Variants in KIAA0825 observed in about 807,000 individuals in gnomAD.
The protein encoded by KIAA0825 is KIAA0825.
In KIAA0825, 119 loss-of-function variants were observed where a neutral mutation model predicts 147.6. The ratio of observed to expected loss-of-function variants is 0.81; its 90% confidence interval spans 0.69 to 0.94. The LOEUF is 0.94. KIAA0825 is among the 40% of genes least tolerant of loss of function. The probability of loss-of-function intolerance (pLI) is 0.00; values close to 1 mark genes in which losing one functional copy is unlikely to be tolerated. For synonymous variants in KIAA0825, 470 were observed against 518.1 expected (o/e 0.91, Z 1.26); for missense variants, 1,381 against 1,472.7 (o/e 0.94, Z 1.02).
At chr5:94,246,621 A>C (rs1333619409) in intron 20 of KIAA0825, among the ~76,000 whole-genome samples, 1 of 152,106 alleles carries the variant, frequency 6.6e-6, no homozygotes, top group Non-Finnish European at 1.5e-5. Flanking sequence ...TTCTAGTAGA[A>C]CTTTGCCATT....
intron 16 of KIAA0825, among the ~76,000 whole-genome samples, chr5:94,403,009 G>A (rs1404302869): frequency 6.6e-6 from 1 of 152,028 alleles, no homozygotes; most frequent in Non-Finnish European, 1.5e-5. Flanking sequence ...CTTGGTGGAT[G>A]CGCTGTTCTG....
At chr5:94,499,237 A>T (rs1764739985) in intron 5 of KIAA0825, among the ~76,000 whole-genome samples, 1 of 152,176 alleles carries the variant, frequency 6.6e-6, no homozygotes, top group African/African-American at 2.4e-5. Context: ...AGAAGCCAGA[A>T]GACCTGAGAA....
intron 20 of KIAA0825, among the ~76,000 whole-genome samples, chr5:94,263,038 G>T (rs1350194778): frequency 6.6e-6 from 1 of 152,056 alleles, no homozygotes; most frequent in Non-Finnish European, 1.5e-5. Context: ...TATGAAGCTT[G>T]GGACAGAAAC....
At chr5:94,450,291 T>C (rs1172681648) in intron 13 of KIAA0825, among the ~76,000 whole-genome samples, 1 of 149,066 alleles carries the variant, frequency 6.7e-6, no homozygotes, top group Non-Finnish European at 1.5e-5. Context: ...AGAGCATAGT[T>C]TAACACTTCC....
chr5:94,181,979 C>T lies in KIAA0825; in HGVS notation c.3711-27855G>A, dbSNP rs1159897491. Reference sequence around the variant, plus strand: ...TGCAGTCTAAACCCTGGTTGGATCTCTTTAATGACTCTTCATTAGTGACTT... The same window carrying T: ...TGCAGTCTAAACCCTGGTTGGATCTTTTTAATGACTCTTCATTAGTGACTT... On this transcript the variant is annotated intron_variant, in intron 20 of 20. Coordinates refer to ENST00000682413, the MANE Select transcript of KIAA0825 (RefSeq NM_001145678.3). Among the ~76,000 whole-genome samples, 3 of 152,148 alleles carry T rather than the reference C, an allele frequency of 2.0e-5. No individual in the cohort carries two copies. The East Asian group carries it at 5.8e-4, about 29-fold the overall frequency.
At chr5:94,305,524 A>G (rs1003154201) in intron 20 of KIAA0825, among the ~76,000 whole-genome samples, 3 of 152,014 alleles carry the variant, frequency 2.0e-5, no homozygotes, top group African/African-American at 7.2e-5. Flanking sequence ...CTGTGTGCTC[A>G]TTAGCTGTGC....
At chr5:94,395,403 G>A (rs1750506130) in intron 17 of KIAA0825, among the ~76,000 whole-genome samples, 2 of 152,164 alleles carry the variant, frequency 1.3e-5, no homozygotes, top group Admixed American at 1.3e-4. Context: ...TAGACCATGT[G>A]AGCTGGAATT....
intron 5 of KIAA0825, among the ~76,000 whole-genome samples, chr5:94,500,633 T>C (rs895884731): frequency 5.3e-5 from 8 of 152,274 alleles, no homozygotes; most frequent in African/African-American, 1.9e-4. Flanking sequence ...AACAGGCATT[T>C]AGCTGTAGAA....
In KIAA0825 at chr5:94,234,170, T is replaced by C. The variant is rs969242313; in HGVS notation, c.3711-80046A>G. On this transcript the variant is annotated intron_variant, in intron 20 of 20. Coordinates refer to ENST00000682413, the MANE Select transcript of KIAA0825 (RefSeq NM_001145678.3). ...TCACGAGGTCAGGAGATCGAGACCA[T>C]CCTGGCTAACACAGTGAAACCCCGT... 5.5e-4 allele frequency among the ~76,000 whole-genome samples: 83 copies of C among 151,708 alleles called. 3 individuals carry two copies. Among genetic ancestry groups the C allele is most frequent in the Admixed American group, 5.3e-3 (81 of 15,224 alleles).
At chr5:94,384,544 G>A (rs1211461990) in intron 19 of KIAA0825, 86 bp from the exon 20 acceptor site, 7 of 1,050,298 alleles carry the variant, frequency 6.7e-6, no homozygotes, top group Non-Finnish European at 8.6e-6. Flanking sequence ...AGCTGTGATA[G>A]ACTAACTAAG....
chr5:94,595,903 A>G (rs1785222262), intron 1 of KIAA0825, among the ~76,000 whole-genome samples: 1 of 152,226 alleles, frequency 6.6e-6, no homozygotes, highest in Admixed American at 6.5e-5. Flanking sequence ...AAATGCCACC[A>G]ATCTCTTTGC....
intron 20 of KIAA0825, among the ~76,000 whole-genome samples, chr5:94,221,187 CAG>C (rs1773640810): frequency 6.6e-6 from 1 of 152,126 alleles, no homozygotes; most frequent in East Asian, 1.9e-4. Flanking sequence ...TTTGTGGTCT[CAG>C]GGGTAGAGCC....
chr5:94,201,617 T>G (rs913369030), intron 20 of KIAA0825, among the ~76,000 whole-genome samples: 4 of 127,766 alleles, frequency 3.1e-5, no homozygotes, highest in Non-Finnish European at 4.6e-5. Context: ...GGTTTTTTGG[T>G]TTTTTTTTTT....
At chr5:94,474,393 A>G (rs1433126569) in intron 7 of KIAA0825, among the ~76,000 whole-genome samples, 3 of 152,206 alleles carry the variant, frequency 2.0e-5, no homozygotes, top group Non-Finnish European at 2.9e-5. Context: ...CTTTGTTTAC[A>G]GTAACGTGCC....
chr5:94,486,479 A>G (rs13361134), intron 5 of KIAA0825, among the ~76,000 whole-genome samples: 179 of 152,248 alleles, frequency 1.2e-3, no homozygotes, highest in African/African-American at 4.0e-3. Flanking sequence ...CTTTGCAGGT[A>G]CTATGAGAAA....
At chr5:94,184,560 G>T (rs1467297685) in intron 20 of KIAA0825, among the ~76,000 whole-genome samples, 1 of 151,998 alleles carries the variant, frequency 6.6e-6, no homozygotes, top group Non-Finnish European at 1.5e-5. Context: ...TAAAAAGAAG[G>T]CATAGACTCT....
chr5:94,230,337 A>G (rs909791048), intron 20 of KIAA0825, among the ~76,000 whole-genome samples: 7 of 152,162 alleles, frequency 4.6e-5, no homozygotes, highest in Non-Finnish European at 1.0e-4. Flanking sequence ...TAAGTCTTCT[A>G]TATCCTATGG....
chr5:94,539,329 T>C (rs1182192275), intron 2 of KIAA0825, among the ~76,000 whole-genome samples: 4 of 152,168 alleles, frequency 2.6e-5, no homozygotes, highest in African/African-American at 9.7e-5. Context: ...CATTCTTTTA[T>C]TTCTCTACTT....
At chr5:94,602,855 G>A (rs1251909238) in intron 1 of KIAA0825, among the ~76,000 whole-genome samples, 1 of 146,780 alleles carries the variant, frequency 6.8e-6, no homozygotes, top group East Asian at 2.0e-4. Context: ...TTGAGACAGA[G>A]TCTCACTTTG....
Sources: allele counts gnomAD v4.1 joint callset (sites outside exome capture counted in the v4.1 genomes callset), GRCh38; gene constraint gnomAD v4.1.1; transcripts MANE v1.5; gene names NCBI Gene and HGNC (gene_info 2026-07-23, HGNC 2026-07-21).